UGT1A9: variants seen among roughly 807,000 people sequenced by gnomAD.
UGT1A9 encodes the protein UDP-glucuronosyltransferase 1A9.
UGT1A9 carries 35 observed loss-of-function variants against 45.0 expected under a neutral mutation model. The observed-to-expected ratio is 0.78, with a 90% confidence interval of 0.59 to 1.03. UGT1A9 has a LOEUF of 1.03. Ranked by LOEUF, UGT1A9 falls within the 50% of genes least tolerant of loss-of-function variation. The probability of loss-of-function intolerance (pLI) is 0.00; values close to 1 mark genes in which losing one functional copy is unlikely to be tolerated. For missense variants in UGT1A9, 687 were observed against 666.6 expected (o/e 1.03, Z -0.34); for synonymous variants, 278 against 250.6 (o/e 1.11, Z -1.03).
At chr2:233,711,587 T>C (rs28898594) in intron 1 of UGT1A9, among the ~76,000 whole-genome samples, 1,733 of 152,338 alleles carry the variant, frequency 0.011, 27 homozygotes, top group African/African-American at 0.04. Context: ...GCCTTCTCTG[T>C]GCCTTCCTGC....
At chr2:233,715,615 T>C (rs1446871152) in intron 1 of UGT1A9, among the ~76,000 whole-genome samples, 1 of 151,806 alleles carries the variant, frequency 6.6e-6, no homozygotes, top group Non-Finnish European at 1.5e-5. Flanking sequence ...CTACAAAAAA[T>C]TAAAAAATTA....
intron 1 of UGT1A9, among the ~76,000 whole-genome samples, chr2:233,692,668 A>G (rs1449549810): frequency 1.3e-5 from 2 of 152,184 alleles, no homozygotes; most frequent in African/African-American, 4.8e-5. Flanking sequence ...TTCGGGATAG[A>G]GAATTGGCAG....
chr2:233,740,275 T>C (rs1342427185), intron 1 of UGT1A9, among the ~76,000 whole-genome samples: 1 of 151,910 alleles, frequency 6.6e-6, no homozygotes, highest in Non-Finnish European at 1.5e-5. Context: ...ATTGAAGTTA[T>C]ACTGAAAGGG....
intron 1 of UGT1A9, among the ~76,000 whole-genome samples, chr2:233,702,320 A>G (rs2075680943): frequency 6.6e-6 from 1 of 152,048 alleles, no homozygotes; most frequent in Admixed American, 6.6e-5. Flanking sequence ...GTACTTCAAC[A>G]TTTCTGAACT....
intron 1 of UGT1A9, among the ~76,000 whole-genome samples, chr2:233,746,724 T>G (rs1380174241): frequency 1.3e-5 from 2 of 151,818 alleles, no homozygotes; most frequent in Non-Finnish European, 2.9e-5. Flanking sequence ...GAATTAGCAA[T>G]GGATTCTGCT....
chr2:233,700,683 T>C (rs940558980), intron 1 of UGT1A9, among the ~76,000 whole-genome samples: 1 of 152,164 alleles, frequency 6.6e-6, no homozygotes, highest in Non-Finnish European at 1.5e-5. Flanking sequence ...TTCGTGATAA[T>C]ATATAAACTA....
At chr2:233,757,444 G>A (rs1344287126) in intron 1 of UGT1A9, among the ~76,000 whole-genome samples, 1 of 150,698 alleles carries the variant, frequency 6.6e-6, no homozygotes, top group Non-Finnish European at 1.5e-5. Context: ...CTTCTATACA[G>A]AAACATGTCC....
chr2:233,700,798 T>G (rs1387301814), intron 1 of UGT1A9, among the ~76,000 whole-genome samples: 1 of 152,156 alleles, frequency 6.6e-6, no homozygotes, highest in Admixed American at 6.5e-5. Flanking sequence ...TGTATACATG[T>G]GCCATGTTGG....
chr2:233,727,325 G>A (rs180717488), intron 1 of UGT1A9, among the ~76,000 whole-genome samples: 2 of 152,224 alleles, frequency 1.3e-5, no homozygotes, highest in Non-Finnish European at 1.5e-5. Flanking sequence ...CAGGCACCAG[G>A]AGCTCCTCCC....
chr2:233,728,343 G>A (rs1020257927), intron 1 of UGT1A9, among the ~76,000 whole-genome samples: 1 of 152,192 alleles, frequency 6.6e-6, no homozygotes, highest in African/African-American at 2.4e-5. Context: ...CAGTCCCTTG[G>A]TGAGCAGGAG....
intron 1 of UGT1A9, among the ~76,000 whole-genome samples, chr2:233,676,283 G>C (rs567234824): frequency 6.6e-6 from 1 of 152,136 alleles, no homozygotes; most frequent in Non-Finnish European, 1.5e-5. Flanking sequence ...GCATCCACAG[G>C]GGTCCTGCAA....
intron 1 of UGT1A9, chr2:233,682,317 T>A: frequency 6.2e-7 from 1 of 1,614,198 alleles, no homozygotes; most frequent in Non-Finnish European, 8.5e-7. Context: ...TGCAGGAGTT[T>A]GTTTAATGAC....
chr2:233,710,734 T>C (rs1299004850), intron 1 of UGT1A9, among the ~76,000 whole-genome samples: 1 of 152,216 alleles, frequency 6.6e-6, no homozygotes, highest in Non-Finnish European at 1.5e-5. Flanking sequence ...AACAACGTCT[T>C]TCAAGGAGCA....
At chr2:233,681,165 G>T (rs1380306797) in intron 1 of UGT1A9, among the ~76,000 whole-genome samples, 1 of 151,768 alleles carries the variant, frequency 6.6e-6, no homozygotes, top group Non-Finnish European at 1.5e-5. Context: ...GGAGGTCAAC[G>T]CTAAGACCCT....
intron 1 of UGT1A9, chr2:233,713,020 C>T (rs143190267): frequency 2.4e-5 from 38 of 1,613,618 alleles, no homozygotes; most frequent in African/African-American, 6.7e-5. Context: ...GTTCCCCTGC[C>T]GCAGCTGGCC....
intron 4 of UGT1A9, 47 bp downstream of exon 4, chr2:233,768,486 T>A: frequency 1.3e-6 from 2 of 1,583,238 alleles, no homozygotes; most frequent in East Asian, 2.3e-5. Context: ...GCATTCATGA[T>A]AAAATTGTTT....
intron 1 of UGT1A9, among the ~76,000 whole-genome samples, chr2:233,738,662 G>C (rs958812061): frequency 3.9e-5 from 6 of 152,136 alleles, no homozygotes; most frequent in African/African-American, 7.2e-5. Context: ...CTACGAACTT[G>C]AGAGAGATGA....
intron 1 of UGT1A9, among the ~76,000 whole-genome samples, chr2:233,685,843 A>G (rs1022840820): frequency 2.6e-5 from 4 of 152,194 alleles, no homozygotes; most frequent in African/African-American, 7.2e-5. Flanking sequence ...AATAAGGAAA[A>G]TTTGTTTCAT....
chr2:233,688,522 A>AGTG (rs1190898140), intron 1 of UGT1A9, among the ~76,000 whole-genome samples: 1 of 151,956 alleles, frequency 6.6e-6, no homozygotes, highest in Non-Finnish European at 1.5e-5. Flanking sequence ...ATGCGCCTAG[A>AGTG]GTGGGTTTGA....
Sources: gnomAD v4.1 joint callset for allele counts (sites outside exome capture counted in the v4.1 genomes callset) on GRCh38, gnomAD v4.1.1 for gene constraint, MANE v1.5 for transcripts, NCBI Gene and HGNC (gene_info 2026-07-23, HGNC 2026-07-21) for gene names.